The following MARCHF1 variants were observed in gnomAD, a reference collection of about 807,000 sequenced individuals.
The protein encoded by MARCHF1 is membrane associated ring-CH-type finger 1, also known as E3 ubiquitin-protein ligase MARCHF1.
Under a neutral mutation model 54.2 loss-of-function variants are expected in MARCHF1, and 40 were observed. The observed-to-expected ratio is 0.74, with a 90% CI of 0.57 to 0.96. The LOEUF (loss-of-function observed/expected upper bound fraction) is 0.96. Ranked by LOEUF, MARCHF1 falls within the 40% of genes least tolerant of loss-of-function variation. The pLI, the probability that MARCHF1 is intolerant of heterozygous loss-of-function variation, is 0.00. For missense variants in MARCHF1, 586 were observed against 656.5 expected (o/e 0.89, Z 1.17); for synonymous variants, 236 against 236.3 (o/e 1.00, Z 0.01).
intron 4 of MARCHF1, among the ~76,000 whole-genome samples, chr4:163,775,448 A>G (rs954751760): frequency 1.3e-5 from 2 of 152,158 alleles, no homozygotes; most frequent in Admixed American, 6.5e-5. Context: ...AACAAAGCCT[A>G]TCATGTAGTA....
chr4:163,553,032 CAAAAAAA>C (rs778572383), intron 8 of MARCHF1, among the ~76,000 whole-genome samples: 1 of 64,420 alleles, frequency 1.6e-5, no homozygotes, highest in African/African-American at 4.8e-5. Context: ...GACTCCGTCT[CAAAAAAA>C]AAAAAAAAAA....
At chr4:164,254,270 T>G (rs1366074785) in intron 1 of MARCHF1, among the ~76,000 whole-genome samples, 1 of 151,488 alleles carries the variant, frequency 6.6e-6, no homozygotes, top group East Asian at 1.9e-4. Flanking sequence ...CAGGTTGGTC[T>G]CTGTATTCGT....
chr4:163,981,110 C>T (rs762595359), intron 3 of MARCHF1, among the ~76,000 whole-genome samples: 5 of 151,668 alleles, frequency 3.3e-5, no homozygotes, highest in Non-Finnish European at 5.9e-5. Context: ...CTGTTTCCTG[C>T]AGCGTTGTGC....
intron 5 of MARCHF1, among the ~76,000 whole-genome samples, chr4:163,696,530 C>A (rs546542835): frequency 6.6e-6 from 1 of 152,124 alleles, no homozygotes; most frequent in Non-Finnish European, 1.5e-5. Context: ...GACACTTCTT[C>A]ACATGAGCTG....
At chr4:163,733,195 A>ATATATATACATACACATG (rs1554008824) in intron 4 of MARCHF1, among the ~76,000 whole-genome samples, 1 of 26,352 alleles carries the variant, frequency 3.8e-5, no homozygotes, top group African/African-American at 1.2e-4. Flanking sequence ...ATATATATAT[A>ATATATATACATACACATG]TATATATATA....
chr4:163,666,054 T>C (rs1048474126), intron 5 of MARCHF1, among the ~76,000 whole-genome samples: 4 of 152,158 alleles, frequency 2.6e-5, no homozygotes, highest in Non-Finnish European at 5.9e-5. Context: ...CTTTAATTAC[T>C]GTTAAGCATT....
At chr4:164,333,173 CAT>C (rs991932626) in intron 1 of MARCHF1, among the ~76,000 whole-genome samples, 10 of 152,016 alleles carry the variant, frequency 6.6e-5, no homozygotes, top group Non-Finnish European at 1.0e-4. Context: ...GTCCTCTCCA[CAT>C]GTGTTTCAGA....
intron 3 of MARCHF1, among the ~76,000 whole-genome samples, chr4:163,925,544 T>G (rs79362878): frequency 2.0e-5 from 3 of 151,844 alleles, no homozygotes; most frequent in African/African-American, 7.2e-5. Flanking sequence ...AAGGAAGACA[T>G]ATTGACAATT....
At chr4:164,381,323 A>C (rs1731364177) in intron 1 of MARCHF1, among the ~76,000 whole-genome samples, 1 of 152,226 alleles carries the variant, frequency 6.6e-6, no homozygotes, top group African/African-American at 2.4e-5. Flanking sequence ...GGTTTTAAAA[A>C]TAATATTGTA....
chr4:163,925,633 T>C (rs534131177), intron 3 of MARCHF1, among the ~76,000 whole-genome samples: 26 of 151,846 alleles, frequency 1.7e-4, no homozygotes, highest in Admixed American at 3.9e-4. Context: ...CTAAGAAACA[T>C]CTAATAATTT....
rs1032647842 is a variant in MARCHF1 at position 163,632,905 on chromosome 4, C to T, written c.163-19512G>A. 2.5e-3 allele frequency among the ~76,000 whole-genome samples: 386 copies of T among 152,304 alleles called. 1 individual carries two copies. Among genetic ancestry groups the T allele is most frequent in the African/African-American group, 8.7e-3 (360 of 41,570 alleles). On this transcript the variant is annotated intron_variant, in intron 5 of 9. Transcript: ENST00000514618. ...CAGTATGCAGCTGGAGATCTGAGAA[C>T]GGGCAGACTGCCTCCTCAAGTGGGT...
intron 2 of MARCHF1, among the ~76,000 whole-genome samples, chr4:164,007,630 T>C (rs1160099820): frequency 2.9e-5 from 4 of 139,380 alleles, no homozygotes; most frequent in African/African-American, 1.1e-4. Flanking sequence ...TAGAATTTAT[T>C]TCTCTCTCTC....
chr4:163,779,246 T>C lies in MARCHF1; in HGVS notation c.111+74775A>G, dbSNP rs532162661. On this transcript the variant is annotated intron_variant, in intron 4 of 9. Transcript: ENST00000514618. Reference sequence around the variant, plus strand: ...TTTGTCTTAGCTAATTTGAATGATATTTTAGTCACATAGAATCACACAATG... The same window carrying C: ...TTTGTCTTAGCTAATTTGAATGATACTTTAGTCACATAGAATCACACAATG... Among the ~76,000 whole-genome samples, 3 of 152,312 alleles carry C rather than the reference T, an allele frequency of 2.0e-5. No individual in the cohort carries two copies. In the South Asian group the frequency reaches 6.2e-4, roughly 32 times the overall value.
intron 1 of MARCHF1, among the ~76,000 whole-genome samples, chr4:164,308,580 A>T (rs4234968): frequency 0.73 from 111,516 of 152,076 alleles, 41,350 homozygotes; most frequent in African/African-American, 0.77. Flanking sequence ...TGTGGGAGAT[A>T]ATTACAAATG....
At position 164,184,769 on chromosome 4, in the gene MARCHF1, A is replaced by C. The variant is rs1730924045; in HGVS notation, c.-322-73107T>G. On this transcript the variant is annotated intron_variant, in intron 1 of 9. Transcript: ENST00000514618. ...CAAGCCTCATCAGACCTGTCCTTGT[A>C]GTCTCAGCTAGCCATAATGCCTAAA... Among the ~76,000 whole-genome samples the C allele has an allele frequency of 2.0e-5, 3 of 152,204 alleles. No homozygotes were observed. The South Asian group carries it at 6.2e-4, about 32-fold the overall frequency.
chr4:164,262,406 T>A (rs9284674), intron 1 of MARCHF1, among the ~76,000 whole-genome samples: 17,665 of 152,110 alleles, frequency 0.12, 1,613 homozygotes, highest in African/African-American at 0.25. Flanking sequence ...CTAGTAGAGA[T>A]GAGGTCATTG....
chr4:164,236,946 T>C (rs982286652), intron 1 of MARCHF1, among the ~76,000 whole-genome samples: 18 of 152,148 alleles, frequency 1.2e-4, no homozygotes, highest in Non-Finnish European at 2.4e-4. Context: ...CTATCTCTTG[T>C]AATTGCACAA....
intron 3 of MARCHF1, among the ~76,000 whole-genome samples, chr4:163,923,914 C>CT (rs35599188): frequency 0.64 from 96,521 of 151,558 alleles, 30,808 homozygotes; most frequent in Middle Eastern, 0.7. Flanking sequence ...TAAATGGATA[C>CT]TTTATTTTTA....
At chr4:163,846,168 G>C (rs1488675610) in intron 4 of MARCHF1, among the ~76,000 whole-genome samples, 2 of 152,162 alleles carry the variant, frequency 1.3e-5, no homozygotes, top group African/African-American at 4.8e-5. Flanking sequence ...AGAATTAAAA[G>C]GAGGGAGAAA....
Sources: allele counts gnomAD v4.1 joint callset (sites outside exome capture counted in the v4.1 genomes callset), GRCh38; gene constraint gnomAD v4.1.1; transcripts MANE v1.5; gene names NCBI Gene and HGNC (gene_info 2026-07-23, HGNC 2026-07-21).